The following UBAP1 variants were observed in gnomAD, a reference collection of about 807,000 sequenced individuals.
UBAP1 encodes the protein ubiquitin-associated protein 1.
Under a neutral mutation model 39.0 loss-of-function variants are expected in UBAP1, and 5 were observed. The observed-to-expected ratio is 0.13, with a 90% confidence interval of 0.07 to 0.27. The LOEUF is 0.27. Among genes scored for constraint, UBAP1 ranks in the 10% least tolerant of loss-of-function variants. The pLI is 1.00. For synonymous variants in UBAP1, 211 were observed against 225.1 expected, an observed-to-expected ratio of 0.94 and a Z score of 0.56; for missense variants, 490 against 608.1, an observed-to-expected ratio of 0.81 and a Z score of 2.04.
chr9:34,194,461 C>T (rs1830910206), intron 1 of UBAP1, among the ~76,000 whole-genome samples: 1 of 151,964 alleles, frequency 6.6e-6, no homozygotes, highest in Non-Finnish European at 1.5e-5. Flanking sequence ...ACCACAGGCA[C>T]CTGCCACCAT....
chr9:34,194,883 A>G (rs997009165), intron 1 of UBAP1, among the ~76,000 whole-genome samples: 3 of 152,138 alleles, frequency 2.0e-5, no homozygotes, highest in African/African-American at 7.2e-5. Flanking sequence ...ATAAGTTCTG[A>G]TGAGCCACTA....
Position 34,224,075 on chromosome 9 carries a change from G to A in UBAP1, c.34+3127G>A, listed in dbSNP as rs111641321. 24 of 621,808 alleles carry A rather than the reference G, an allele frequency of 3.9e-5. No individual in the cohort carries two copies. In the East Asian group the frequency reaches 4.4e-4, roughly 11 times the overall value. The allele number at this position is 621,808 out of a possible 1,614,324, so 38.5% of individuals were successfully genotyped here. On this transcript the variant is annotated intron_variant, in intron 2 of 6. Transcript: ENST00000297661. ...GCCGTCTGTTTGGCCACACTGTCCCGGCCTTGAAGTGATGCACGCAAGAAG... is the reference window on the plus strand; with the variant it reads ...GCCGTCTGTTTGGCCACACTGTCCCAGCCTTGAAGTGATGCACGCAAGAAG...
chr9:34,241,927 C>A lies in UBAP1; in HGVS notation c.902C>A (p.Ser301Tyr). 1 of 1,614,188 alleles carries A rather than the reference C, an allele frequency of 6.2e-7. No homozygotes were observed. Among genetic ancestry groups the A allele is most frequent in the South Asian group, 1.1e-5 (1 of 91,076 alleles). The part of the protein sequence containing the change: ...SCLRNGTFQN[S>Y]LKPSTQSSAS... ...CTCCGCAATGGCACGTTCCAGAATT[C>A]CCTAAAGCCTTCCACCCAAAGCAGT... The change falls in exon 4 of 7, where the codon TCC becomes TAC. Residue 301 changes from serine (S) to tyrosine (Y), a missense_variant. Physicochemically the swap from Ser to Tyr is moderately radical, Grantham distance 144. Transcript: ENST00000297661.
intron 1 of UBAP1, among the ~76,000 whole-genome samples, chr9:34,207,392 T>TA (rs1275308501): frequency 1.4e-3 from 188 of 135,488 alleles, no homozygotes; most frequent in African/African-American, 1.8e-3. Context: ...CTTGTCTAAT[T>TA]AAAAAAAAAA....
rs989886689 is a variant in UBAP1 at position 34,231,610 on chromosome 9, T to C, written c.35-2606T>C. On this transcript the variant is annotated intron_variant, in intron 2 of 6. Coordinates refer to ENST00000297661, the MANE Select transcript of UBAP1 (RefSeq NM_016525.5). ...ATATAGATATGAAACATTTCTCCCCTGTTAAGGGACACTCAAAATTTTTTT... is the reference window on the plus strand; with the variant it reads ...ATATAGATATGAAACATTTCTCCCCCGTTAAGGGACACTCAAAATTTTTTT... Among the ~76,000 whole-genome samples, 3 of 151,932 alleles carry C rather than the reference T, an allele frequency of 2.0e-5. No homozygotes were observed. The South Asian group carries it at 6.2e-4, about 31-fold the overall frequency.
intron 1 of UBAP1, chr9:34,191,649 G>A (rs1286970029): frequency 1.3e-5 from 2 of 153,706 alleles, no homozygotes; most frequent in Non-Finnish European, 2.9e-5. Context: ...TAAATCGAAG[G>A]TGTTTATGCC....
intron 1 of UBAP1, among the ~76,000 whole-genome samples, chr9:34,195,514 G>A (rs1458468340): frequency 6.6e-6 from 1 of 151,544 alleles, no homozygotes; most frequent in Non-Finnish European, 1.5e-5. Context: ...ACACTATCTT[G>A]ATAATTGTAG....
chr9:34,230,456 G>A (rs899980823), intron 2 of UBAP1, among the ~76,000 whole-genome samples: 2 of 152,168 alleles, frequency 1.3e-5, no homozygotes, highest in Admixed American at 6.5e-5. Flanking sequence ...TTGTGTGCTT[G>A]TTAACTTGAC....
chr9:34,239,075 T>A (rs1301503830), intron 3 of UBAP1, among the ~76,000 whole-genome samples: 2 of 152,212 alleles, frequency 1.3e-5, no homozygotes, highest in Admixed American at 6.5e-5. Context: ...GATGGAGTCT[T>A]GCTCTTTTGC....
At chr9:34,182,671 C>CTCTT (rs770077167) in intron 1 of UBAP1, among the ~76,000 whole-genome samples, 1 of 87,946 alleles carries the variant, frequency 1.1e-5, no homozygotes, top group Non-Finnish European at 2.3e-5. Context: ...TTCTTTCTTT[C>CTCTT]TTTCTTTCTT....
At chr9:34,181,116 C>CTTTTTTTTTTTTTTTTTTTTT (rs67856544) in intron 1 of UBAP1, among the ~76,000 whole-genome samples, 9 of 72,236 alleles carry the variant, frequency 1.2e-4, no homozygotes, top group Non-Finnish European at 1.8e-4. Flanking sequence ...GGCCTGTTTT[C>CTTTTTTTTTTTTTTTTTTTTT]TTTTTTTTTT....
chr9:34,211,136 CATTT>C (rs59103018), intron 1 of UBAP1, among the ~76,000 whole-genome samples: 52,964 of 151,450 alleles, frequency 0.35, 9,888 homozygotes, highest in East Asian at 0.73. Context: ...ATTTTTCCTT[CATTT>C]ATTCTCTCAT....
chr9:34,232,156 G>A (rs1003078548), intron 2 of UBAP1, among the ~76,000 whole-genome samples: 1 of 152,008 alleles, frequency 6.6e-6, no homozygotes, highest in African/African-American at 2.4e-5. Context: ...CACTACGCCC[G>A]GTGCAGTTTT....
At chr9:34,218,366 T>C (rs1832464666) in intron 1 of UBAP1, among the ~76,000 whole-genome samples, 1 of 150,740 alleles carries the variant, frequency 6.6e-6, no homozygotes, top group Non-Finnish European at 1.5e-5. Context: ...TTCTAGGTGT[T>C]GTTTGGAAAA....
chr9:34,238,047 A>G lies in UBAP1; in HGVS notation c.160-3138A>G, dbSNP rs576206947. On this transcript the variant is annotated intron_variant, in intron 3 of 6. Transcript: ENST00000297661. Reference sequence around the variant, plus strand: ...AGCCTCCTCGCAGCCTCTGGCAACCAGTATCTACTTTCTGTCTCTATGGGT... The same window carrying G: ...AGCCTCCTCGCAGCCTCTGGCAACCGGTATCTACTTTCTGTCTCTATGGGT... Among the ~76,000 whole-genome samples the G allele has an allele frequency of 4.6e-5, 7 of 152,294 alleles. No homozygotes were observed. The East Asian group carries it at 1.4e-3, about 29-fold the overall frequency.
At chr9:34,210,897 C>G (rs1381741031) in intron 1 of UBAP1, among the ~76,000 whole-genome samples, 1 of 151,362 alleles carries the variant, frequency 6.6e-6, no homozygotes, top group Admixed American at 6.6e-5. Context: ...GGAGCTCTTT[C>G]TGCATGTCAG....
chr9:34,183,738 G>C (rs193015089), intron 1 of UBAP1, among the ~76,000 whole-genome samples: 1 of 150,494 alleles, frequency 6.6e-6, no homozygotes, highest in Admixed American at 6.7e-5. Flanking sequence ...GGAAGTAATA[G>C]GATTTTTCAG....
intron 1 of UBAP1, among the ~76,000 whole-genome samples, chr9:34,207,048 C>CTTTTTTTTTTTTT (rs34197502): frequency 2.2e-5 from 2 of 90,056 alleles, no homozygotes; most frequent in African/African-American, 4.5e-5. Flanking sequence ...ATTGTTATTT[C>CTTTTTTTTTTTTT]TTTTTTTTTT....
At position 34,241,579 on chromosome 9, in the gene UBAP1, T is replaced by C. The variant is rs777537431; in HGVS notation, c.554T>C (p.Val185Ala). The change falls in exon 4 of 7, where the codon GTA (valine) becomes GCA (alanine). Residue 185 changes from valine (V) to alanine (A), a missense_variant. Val to Ala is a moderately conservative substitution (Grantham distance 64). Around this residue, in one of 3 missense-constraint regions of UBAP1, gnomAD observed 339 missense variants for 390.0 expected, o/e 0.87. Coordinates refer to ENST00000297661, the MANE Select transcript of UBAP1 (RefSeq NM_016525.5). ...AAGGAAGAGCTGAGAAATATTCTGGTAGGAACCACTGGACCCATTATGGCT... is the reference window on the plus strand; with the variant it reads ...AAGGAAGAGCTGAGAAATATTCTGGCAGGAACCACTGGACCCATTATGGCT... ...DEKEELRNILVGTTGPIMAQL... is the reference protein window; with the variant it reads ...DEKEELRNILAGTTGPIMAQL... The C allele has an allele frequency of 1.5e-5, 24 of 1,614,110 alleles. No individual in the cohort carries two copies. Among genetic ancestry groups the C allele is most frequent in the Non-Finnish European group, 2.0e-5 (24 of 1,180,008 alleles).
Sources: gnomAD v4.1 joint callset for allele counts (sites outside exome capture counted in the v4.1 genomes callset) on GRCh38, gnomAD v4.1.1 for gene constraint, gnomAD v4.1.1 regional missense constraint, MANE v1.5 for transcripts, NCBI Gene and HGNC (gene_info 2026-07-23, HGNC 2026-07-21) for gene names.